TEX9: variants seen among roughly 807,000 people sequenced by gnomAD.
The protein encoded by TEX9 is testis expressed 9, also known as testis-expressed protein 9.
Under a neutral mutation model 59.6 loss-of-function variants are expected in TEX9, and 74 were observed. That is an observed-to-expected ratio of 1.24 (90% CI 1.03 to 1.51). TEX9 has a LOEUF of 1.51. Among genes scored for constraint, TEX9 ranks in the 40% most tolerant of loss-of-function variants. TEX9 has a pLI of 0.00. For missense variants in TEX9, 522 were observed against 447.8 expected (o/e 1.17, Z -1.49); for synonymous variants, 186 against 152.2 (o/e 1.22, Z -1.64).
chr15:56,443,691 G>C (rs534298188), intron 12 of TEX9: 2 of 1,613,080 alleles, frequency 1.2e-6, no homozygotes, highest in Non-Finnish European at 1.7e-6. Context: ...TTTGCCATCC[G>C]ATCTTCTTCT....
At chr15:56,306,484 A>G (rs955064755) in intron 1 of TEX9, among the ~76,000 whole-genome samples, 3 of 152,182 alleles carry the variant, frequency 2.0e-5, no homozygotes, top group African/African-American at 7.2e-5. Flanking sequence ...GAGGTTTATT[A>G]TGTTAAGTGA....
At chr15:56,275,092 T>C (rs1256474785) in intron 1 of TEX9, among the ~76,000 whole-genome samples, 1 of 152,202 alleles carries the variant, frequency 6.6e-6, no homozygotes, top group Non-Finnish European at 1.5e-5. Context: ...TATGTCCCTA[T>C]GTCTAAGGGT....
intron 12 of TEX9, among the ~76,000 whole-genome samples, chr15:56,442,197 C>T (rs1167334633): frequency 1.3e-5 from 2 of 152,086 alleles, no homozygotes; most frequent in Non-Finnish European, 2.9e-5. Flanking sequence ...TATCTCACAT[C>T]AGTCAGAATG....
At chr15:56,325,936 G>A (rs1410682294) in intron 1 of TEX9, among the ~76,000 whole-genome samples, 4 of 152,134 alleles carry the variant, frequency 2.6e-5, no homozygotes, top group Non-Finnish European at 5.9e-5. Flanking sequence ...CTTCACTCAT[G>A]TCTCAAGGTC....
At chr15:56,320,232 T>C (rs1446926999) in intron 1 of TEX9, among the ~76,000 whole-genome samples, 1 of 152,238 alleles carries the variant, frequency 6.6e-6, no homozygotes, top group Admixed American at 6.5e-5. Context: ...TCTGCTGAAG[T>C]GTAAGCTTCT....
At chr15:56,325,503 C>G (rs555666764) in intron 1 of TEX9, among the ~76,000 whole-genome samples, 1 of 152,288 alleles carries the variant, frequency 6.6e-6, no homozygotes, top group East Asian at 1.9e-4. Context: ...TTACCCATTT[C>G]TATGATACCA....
intron 1 of TEX9, among the ~76,000 whole-genome samples, chr15:56,356,309 T>C (rs1286861506): frequency 6.6e-6 from 1 of 152,156 alleles, no homozygotes; most frequent in Admixed American, 6.5e-5. Flanking sequence ...TTCCCTTCTA[T>C]TCTTAGTTGG....
chr15:56,318,452 C>T (rs565943388), intron 1 of TEX9, among the ~76,000 whole-genome samples: 1 of 152,126 alleles, frequency 6.6e-6, no homozygotes, highest in South Asian at 2.1e-4. Context: ...TTTATCTATT[C>T]TACAGTTCTT....
chr15:56,382,394 C>G (rs986866970), intron 3 of TEX9, among the ~76,000 whole-genome samples: 6 of 152,156 alleles, frequency 3.9e-5, no homozygotes, highest in African/African-American at 1.4e-4. Flanking sequence ...GACAAAGGCC[C>G]CTTTACTTTT....
chr15:56,311,375 T>A (rs2045611697), intron 1 of TEX9, among the ~76,000 whole-genome samples: 1 of 140,960 alleles, frequency 7.1e-6, no homozygotes, highest in Non-Finnish European at 1.5e-5. Context: ...TCCCCACCTA[T>A]GAGTGAGAAT....
chr15:56,320,472 T>C (rs545863771), intron 1 of TEX9, among the ~76,000 whole-genome samples: 1 of 146,814 alleles, frequency 6.8e-6, no homozygotes, highest in African/African-American at 2.4e-5. Context: ...CTTGTCTGTG[T>C]GTGGGGATAG....
At chr15:56,364,649 G>T (rs1226843339), upstream of TEX9, among the ~76,000 whole-genome samples, 1 of 151,900 alleles carries the variant, frequency 6.6e-6, no homozygotes, top group Non-Finnish European at 1.5e-5. Context: ...TGAAGTTAAG[G>T]GTCTAATTGC....
intron 1 of TEX9, among the ~76,000 whole-genome samples, chr15:56,307,149 T>G (rs1391926122): frequency 2.0e-5 from 3 of 152,132 alleles, no homozygotes; most frequent in Non-Finnish European, 4.4e-5. Context: ...TTCTAAGAAA[T>G]CAAGCTGGCA....
downstream of TEX9, among the ~76,000 whole-genome samples, chr15:56,446,174 A>C (rs2050900589): frequency 6.6e-6 from 1 of 152,052 alleles, no homozygotes; most frequent in South Asian, 2.1e-4. Context: ...TTATGTGGAC[A>C]TACACAATAG....
chr15:56,434,392 C>T, intron 12 of TEX9: 1 of 1,609,204 alleles, frequency 6.2e-7, no homozygotes, highest in Non-Finnish European at 8.5e-7. Flanking sequence ...TTTTCTGCTT[C>T]TTCCTAAACA....
chr15:56,429,081 T>C (rs1469516450), intron 12 of TEX9: 1 of 1,514,840 alleles, frequency 6.6e-7, no homozygotes. Flanking sequence ...AAATCTATGC[T>C]TTACCCAATT....
At chr15:56,332,854 C>G (rs1293687513) in intron 1 of TEX9, among the ~76,000 whole-genome samples, 3 of 151,960 alleles carry the variant, frequency 2.0e-5, no homozygotes, top group Non-Finnish European at 2.9e-5. Flanking sequence ...ACTGATAAAG[C>G]AGAAGCTTGA....
At position 56,423,552 on chromosome 15, in the gene TEX9, C is replaced by T. The variant is rs139540156; in HGVS notation, c.964-4053C>T. Among the ~76,000 whole-genome samples the T allele has an allele frequency of 7.9e-5, 12 of 152,068 alleles. No individual in the cohort carries two copies. In the East Asian group the frequency reaches 2.3e-3, roughly 29 times the overall value. The stretch of plus-strand genomic sequence containing the variant: ...AGATACAATTCATATACCATGCAAC[C>T]CACTTAAAATATACAAATAAGTTTG... On this transcript the variant is annotated intron_variant, in intron 10 of 12. Coordinates refer to ENST00000352903, the Ensembl canonical transcript of TEX9.
intron 1 of TEX9, among the ~76,000 whole-genome samples, chr15:56,251,920 T>C (rs1335583574): frequency 6.6e-6 from 1 of 152,042 alleles, no homozygotes; most frequent in Non-Finnish European, 1.5e-5. Context: ...TTGTTTAGGC[T>C]CCAGTGCAGC....
Sources: allele counts gnomAD v4.1 joint callset (sites outside exome capture counted in the v4.1 genomes callset), GRCh38; gene constraint gnomAD v4.1.1; transcripts MANE v1.5; gene names NCBI Gene and HGNC (gene_info 2026-07-23, HGNC 2026-07-21).